Variants in DNAH12 observed in about 807,000 individuals in gnomAD.
DNAH12 encodes the protein axonemal beta dynein heavy chain 12.
In DNAH12, 285 loss-of-function variants were observed where a neutral mutation model predicts 371.5. The observed-to-expected ratio is 0.77, with a 90% CI of 0.70 to 0.85. The LOEUF (loss-of-function observed/expected upper bound fraction) is 0.85. Ranked by LOEUF, DNAH12 falls within the 40% of genes least tolerant of loss-of-function variation. The probability of loss-of-function intolerance (pLI) is 0.00; values close to 1 mark genes in which losing one functional copy is unlikely to be tolerated. For missense variants in DNAH12, 3,611 were observed against 3,689.4 expected, an observed-to-expected ratio of 0.98 and a Z score of 0.55; for synonymous variants, 1,200 against 1,213.0, an observed-to-expected ratio of 0.99 and a Z score of 0.22.
Position 57,334,886 on chromosome 3 carries a change from T to C in DNAH12, c.9729A>G (p.Val3243=), listed in dbSNP as rs1559563177. The change falls in exon 61 of 74, where the codon GTA becomes GTG. Residue 3243 remains valine, a synonymous_variant. Transcript: ENST00000495027. ...GATTTTTCTCAGCACTTTTAAGACT[T>C]ACTCCTCCAGTTAAAAGAAACATCA... ...QELMFLLTGG[V]SLKSAEKNPD... The C allele has an allele frequency of 3.9e-6, 6 of 1,551,740 alleles. No individual in the cohort carries two copies. The highest frequency in any genetic ancestry group is 2.4e-5 in the East Asian group (1 of 40,918).
intron 60 of DNAH12, among the ~76,000 whole-genome samples, chr3:57,345,028 AAC>A (rs2062504852): frequency 7.7e-6 from 1 of 130,704 alleles, no homozygotes; most frequent in African/African-American, 3.1e-5. Flanking sequence ...CTTACTGATA[AAC>A]AGTTAATTGT....
chr3:57,403,749 T>C (rs180724003), intron 42 of DNAH12, among the ~76,000 whole-genome samples: 1 of 152,282 alleles, frequency 6.6e-6, no homozygotes. Context: ...GTTATACAAA[T>C]AAAATGAAAT....
At chr3:57,448,754 C>T (rs1445406376) in intron 25 of DNAH12, among the ~76,000 whole-genome samples, 2 of 146,706 alleles carry the variant, frequency 1.4e-5, no homozygotes, top group Non-Finnish European at 3.1e-5. Flanking sequence ...AGATACAAAG[C>T]TCTCCACGTC....
chr3:57,425,793 T>C (rs73834568), intron 34 of DNAH12, among the ~76,000 whole-genome samples: 3 of 108,984 alleles, frequency 2.8e-5, no homozygotes, highest in East Asian at 2.4e-4. Context: ...GCCATTCATT[T>C]ATTTATTCAA....
chr3:57,394,347 G>C lies in DNAH12; in HGVS notation c.6949-15C>G, dbSNP rs2063694007. 6.6e-6 allele frequency: 1 copy of C among 152,156 alleles called. No individual in the cohort carries two copies. The allele number at this position is 152,156 out of a possible 1,614,324, so 9.4% of individuals were successfully genotyped here. A position where few individuals can be genotyped will look rare whatever the true frequency, so the allele number is the denominator to read the frequency against. On this transcript the variant is annotated splice_polypyrimidine_tract_variant and intron_variant, in intron 43 of 73. Coordinates refer to ENST00000495027, the MANE Select transcript of DNAH12 (RefSeq NM_001366028.2). ...CTTAACAGACCCTTAAAATAAAAAT[G>C]GACTTGTAAGCAGAATATGGTAGAC...
At chr3:57,374,945 A>G (rs2063252616) in intron 55 of DNAH12, among the ~76,000 whole-genome samples, 1 of 152,174 alleles carries the variant, frequency 6.6e-6, no homozygotes, top group Admixed American at 6.5e-5. Context: ...GAACATGAGG[A>G]GACTTCCCTG....
chr3:57,458,114 CGTTT>C lies in DNAH12; in HGVS notation c.3034_3037del (p.Lys1012ValfsTer16). ...TTTATCATACCGAGGGAAGAAAAGA[CGTTT>C]CTTTTCAAGATATGCGTTAAGACCT... On this transcript the variant is annotated frameshift_variant, in exon 21 of 74. Coordinates refer to ENST00000495027, the MANE Select transcript of DNAH12 (RefSeq NM_001366028.2). LOFTEE classifies it high-confidence loss of function. The C allele has an allele frequency of 6.5e-7, 1 of 1,544,876 alleles. No homozygotes were observed. The highest frequency in any genetic ancestry group is 8.7e-7 in the Non-Finnish European group (1 of 1,145,270).
intron 41 of DNAH12, among the ~76,000 whole-genome samples, 167 bp from the exon 42 acceptor site, chr3:57,405,314 A>G (rs1329192270): frequency 7.2e-5 from 11 of 152,228 alleles, no homozygotes; most frequent in African/African-American, 2.7e-4. Context: ...TCCTTAGGAT[A>G]TAAAAAGAAA....
the DNAH12 span, among the ~76,000 whole-genome samples, chr3:57,553,988 C>G: frequency 1.3e-5 from 2 of 151,646 alleles, no homozygotes; most frequent in African/African-American, 4.8e-5. Flanking sequence ...CTGCGCCCGG[C>G]TAATTTTTGT....
chr3:57,335,025 A>C, intron 60 of DNAH12, 85 bp from the exon 61 acceptor site: 1 of 1,399,268 alleles, frequency 7.1e-7, no homozygotes, highest in Admixed American at 2.5e-5. Context: ...ACCTGGATAG[A>C]ACAACTTAGA....
chr3:57,380,104 T>A lies in DNAH12; in HGVS notation c.8082+174A>T, dbSNP rs955120417. ...TTTTAACTATCTGAGACAGCAATGG[T>A]TTTAAACATTATGAAAACTCATAGT... On this transcript the variant is annotated intron_variant, in intron 51 of 73. Transcript: ENST00000495027. 2.6e-5 allele frequency among the ~76,000 whole-genome samples: 4 copies of A among 152,066 alleles called. No homozygotes were observed. The East Asian group carries it at 5.8e-4, about 22-fold the overall frequency.
intron 29 of DNAH12, among the ~76,000 whole-genome samples, chr3:57,443,429 T>C (rs907625962): frequency 1.3e-5 from 2 of 152,162 alleles, no homozygotes; most frequent in Admixed American, 1.3e-4. Context: ...TTTTAAACTA[T>C]ATTCTGGTTT....
chr3:57,374,239 C>A (rs1433382825), intron 55 of DNAH12, among the ~76,000 whole-genome samples: 2 of 152,092 alleles, frequency 1.3e-5, no homozygotes, highest in Non-Finnish European at 1.5e-5. Context: ...ATTTCCTCAT[C>A]TATAAAATGG....
At chr3:57,311,091 T>C in intron 66 of DNAH12, 141 bp from the exon 67 acceptor site, 1 of 690,488 alleles carries the variant, frequency 1.4e-6, no homozygotes, top group Non-Finnish European at 2.4e-6. Flanking sequence ...TTGTTAGTTT[T>C]TTTTTGGACA....
chr3:57,295,678 C>A, intron 72 of DNAH12, 86 bp from the exon 73 acceptor site: 20 of 1,183,560 alleles, frequency 1.7e-5, no homozygotes, highest in South Asian at 7.5e-5. Context: ...TTGGCTTTTA[C>A]TAAAAGAAAG....
intron 25 of DNAH12, among the ~76,000 whole-genome samples, chr3:57,447,905 G>A (rs1008798683): frequency 6.6e-6 from 1 of 152,080 alleles, no homozygotes; most frequent in Non-Finnish European, 1.5e-5. Flanking sequence ...AAACTCCTGA[G>A]CTCAAGCCAT....
In DNAH12 at chr3:57,421,499, C is replaced by A. The variant is rs776055429; in HGVS notation, c.5562+19G>T. 3 of 1,550,544 alleles carry A rather than the reference C, an allele frequency of 1.9e-6. No individual in the cohort carries two copies. Among genetic ancestry groups the A allele is most frequent in the African/African-American group, 2.7e-5 (2 of 72,948 alleles). On this transcript the variant is annotated intron_variant, in intron 36 of 73. Transcript: ENST00000495027. ...GCCTTTGTGTTTTATCTTACCATAACAAGCTTTTTATGTCATACCTCATAC... is the reference window on the plus strand; with the variant it reads ...GCCTTTGTGTTTTATCTTACCATAAAAAGCTTTTTATGTCATACCTCATAC...
intron 13 of DNAH12, among the ~76,000 whole-genome samples, chr3:57,476,716 C>T (rs1254002634): frequency 1.4e-4 from 21 of 152,092 alleles, no homozygotes; most frequent in African/African-American, 4.1e-4. Flanking sequence ...TTGTACAATT[C>T]ATGTTTTACG....
At chr3:57,545,620 G>T (rs903679837), upstream of DNAH12, among the ~76,000 whole-genome samples, 5 of 152,004 alleles carry the variant, frequency 3.3e-5, no homozygotes, top group Non-Finnish European at 5.9e-5. Context: ...TTTGCATTAG[G>T]TAGATAGCAA....
Sources: allele counts gnomAD v4.1 joint callset (sites outside exome capture counted in the v4.1 genomes callset), GRCh38; gene constraint gnomAD v4.1.1; transcripts MANE v1.5; gene names NCBI Gene and HGNC (gene_info 2026-07-23, HGNC 2026-07-21).